The following INTS6 variants were observed in gnomAD, a reference collection of about 807,000 sequenced individuals.
The protein encoded by INTS6 is integrator complex subunit 6, also known as DEAD box protein.
A neutral mutation model predicts 104.9 loss-of-function variants in INTS6; 16 were observed. The observed-to-expected ratio is 0.15, with a 90% confidence interval of 0.10 to 0.23. The LOEUF is 0.23. Ranked by LOEUF, INTS6 falls within the 10% of genes least tolerant of loss-of-function variation. The pLI, the probability that INTS6 is intolerant of heterozygous loss-of-function variation, is 1.00. For synonymous variants in INTS6, 324 were observed against 358.7 expected (o/e 0.90, Z 1.09); for missense variants, 584 against 1,062.8 (o/e 0.55, Z 6.26).
Position 51,382,091 on chromosome 13 carries a change from T to C in INTS6, c.1213A>G (p.Thr405Ala). ...TCAAATGACTGTCTCCACTTCAATG[T>C]TGGTTTTGCTTTATGCACTTTAAAC... ...DLFKVHKAKP[T>A]LKWRQSFESY... Residue 405 changes from threonine (T) to alanine (A), a missense_variant, in exon 10 of 18, where the codon ACA (threonine) becomes GCA (alanine). Physicochemically the swap from Thr to Ala is moderately conservative, Grantham distance 58 (BLOSUM62 0). Around this residue, in one of 5 missense-constraint regions of INTS6, gnomAD observed 144 missense variants for 348.7 expected, o/e 0.41. Coordinates refer to ENST00000311234, the MANE Select transcript of INTS6 (RefSeq NM_012141.3). The C allele has an allele frequency of 1.2e-6, 2 of 1,611,756 alleles. No homozygotes were observed. Among genetic ancestry groups the C allele is most frequent in the East Asian group, 2.2e-5 (1 of 44,750 alleles).
intron 4 of INTS6, among the ~76,000 whole-genome samples, chr13:51,396,044 C>A (rs60448268): frequency 2.0e-5 from 3 of 152,048 alleles, no homozygotes; most frequent in South Asian, 2.1e-4. Flanking sequence ...GTGACCCACA[C>A]GCCTCGGCCT....
chr13:51,422,660 T>C (rs1956916612), intron 4 of INTS6, among the ~76,000 whole-genome samples: 1 of 152,128 alleles, frequency 6.6e-6, no homozygotes, highest in African/African-American at 2.4e-5. Context: ...GCTGGCACAG[T>C]AATCTTACTA....
chr13:51,424,036 C>A (rs1452784216), intron 4 of INTS6, among the ~76,000 whole-genome samples: 2 of 151,994 alleles, frequency 1.3e-5, no homozygotes, highest in Non-Finnish European at 2.9e-5. Flanking sequence ...TTTGATGCAG[C>A]CTGCAGCCAT....
At chr13:51,395,747 G>A (rs1180662228) in intron 4 of INTS6, among the ~76,000 whole-genome samples, 3 of 152,134 alleles carry the variant, frequency 2.0e-5, no homozygotes, top group Admixed American at 1.3e-4. Context: ...TAATTACTGG[G>A]TGCTGAATTG....
intron 3 of INTS6, among the ~76,000 whole-genome samples, chr13:51,431,281 C>G (rs1957085721): frequency 6.6e-6 from 1 of 152,160 alleles, no homozygotes; most frequent in Non-Finnish European, 1.5e-5. Flanking sequence ...GTATCAAATT[C>G]TCTGCCACTA....
chr13:51,448,808 G>A (rs1432692952), intron 3 of INTS6: 2 of 152,086 alleles, frequency 1.3e-5, no homozygotes, highest in East Asian at 3.8e-4. Flanking sequence ...TTACATACAA[G>A]TATTTAGTAC....
In INTS6 at chr13:51,452,105, G is replaced by C; in HGVS notation, c.112-50C>G. 6.4e-7 allele frequency: 1 copy of C among 1,553,808 alleles called. No individual in the cohort carries two copies. Among genetic ancestry groups the C allele is most frequent in the Non-Finnish European group, 8.8e-7 (1 of 1,132,896 alleles). On this transcript the variant is annotated intron_variant, in intron 1 of 17. Transcript: ENST00000311234. This position sits in a 1 kb window ranked among gnomAD's most constrained non-coding sequence, Gnocchi z 4.2. ...GCGGGCGACAGGGAAGCACAGAGGC[G>C]AGGTTACGAGGCGGAGAAGGGGCGC...
In INTS6 at chr13:51,374,699, T is replaced by G; in HGVS notation, c.1827A>C (p.Pro609=). The change falls in exon 14 of 18, where the codon CCA becomes CCC. Residue 609 remains proline (P), a synonymous_variant. Coordinates refer to ENST00000311234, the MANE Select transcript of INTS6 (RefSeq NM_012141.3). ...GGTTGCCAAATGTATGCAACCTTCG[T>G]GGCTGATCAGGATCAAGTTCTCTTA... ...SPLRELDPDQ[P]RRLHTFGNPF... 1 of 1,613,436 alleles carries G rather than the reference T, an allele frequency of 6.2e-7. No individual in the cohort carries two copies. The highest frequency in any genetic ancestry group is 8.5e-7 in the Non-Finnish European group (1 of 1,179,964).
In INTS6 at chr13:51,378,415, T is replaced by C; in HGVS notation, c.1426A>G (p.Lys476Glu). The C allele has an allele frequency of 3.7e-6, 6 of 1,613,356 alleles. No homozygotes were observed. The highest frequency in any genetic ancestry group is 5.1e-6 in the Non-Finnish European group (6 of 1,179,418). Residue 476 changes from lysine (K) to glutamate (E), a missense_variant, in exon 12 of 18, where the codon AAA (lysine) becomes GAA (glutamate). By Grantham distance (56) the Lys-to-Glu change is moderately conservative. Transcript: ENST00000311234. ...ATTCCAGTCTCCTGTACTACTTTTTTGCCTACAGATCCAATGACTCGATCA... is the reference window on the plus strand; with the variant it reads ...ATTCCAGTCTCCTGTACTACTTTTTCGCCTACAGATCCAATGACTCGATCA... ...ESDRVIGSVG[K>E]KVVQETGIKV...
the INTS6 span, chr13:51,340,951 A>C: frequency 1.1e-6 from 1 of 885,514 alleles, no homozygotes; most frequent in Non-Finnish European, 1.7e-6. Flanking sequence ...AGCTCAATGC[A>C]TCTCTCCCTC....
At chr13:51,372,847 T>C (rs1955837877) in intron 15 of INTS6, among the ~76,000 whole-genome samples, 1 of 152,244 alleles carries the variant, frequency 6.6e-6, no homozygotes, top group Admixed American at 6.5e-5. Flanking sequence ...AACTGATTCC[T>C]GTGCATGCAC....
chr13:51,348,125 C>A, the INTS6 span: 1 of 1,038,810 alleles, frequency 9.6e-7, no homozygotes, highest in Non-Finnish European at 1.4e-6. Flanking sequence ...GTTTCCAGTC[C>A]TCTGAGCCAG....
the INTS6 span, among the ~76,000 whole-genome samples, chr13:51,337,315 C>G: frequency 6.6e-6 from 1 of 152,112 alleles, no homozygotes; most frequent in African/African-American, 2.4e-5. Flanking sequence ...TTTGGTAGAC[C>G]TTTGGATTTG....
At chr13:51,391,736 T>C (rs1956248841) in intron 5 of INTS6, among the ~76,000 whole-genome samples, 1 of 152,152 alleles carries the variant, frequency 6.6e-6, no homozygotes, top group Non-Finnish European at 1.5e-5. Flanking sequence ...AGCATCTTTG[T>C]CAAATAGAGA....
chr13:51,348,674 G>A, the INTS6 span: 43 of 251,656 alleles, frequency 1.7e-4, no homozygotes, highest in African/African-American at 4.1e-3. Context: ...GCCTTCACTG[G>A]GCTGGAATGG....
In INTS6 at chr13:51,363,345, T is replaced by A. The variant is rs1955620490; in HGVS notation, c.*2407A>T. ...TAGTCCTTGTGACTTTACCTCTATC[T>A]GGGAGGCATTAGCCTACATCACACA... is the stretch of plus-strand genomic sequence containing the variant. On this transcript the variant is annotated 3_prime_UTR_variant, in exon 18 of 18. Transcript: ENST00000311234. 1 of 151,956 alleles carries A rather than the reference T, an allele frequency of 6.6e-6. No homozygotes were observed. Among genetic ancestry groups the A allele is most frequent in the African/African-American group, 2.4e-5 (1 of 41,410 alleles). 9.4% of individuals were successfully genotyped at this position (151,956 alleles called of 1,614,324 possible). A position where few individuals can be genotyped will look rare whatever the true frequency, so the allele number is the denominator to read the frequency against.
At chr13:51,368,747 T>G (rs1333949427) in intron 16 of INTS6, among the ~76,000 whole-genome samples, 192 bp downstream of exon 16, 1 of 152,166 alleles carries the variant, frequency 6.6e-6, no homozygotes, top group Admixed American at 6.5e-5. Flanking sequence ...CCTACCACCA[T>G]ACCTAGTACC....
In INTS6 at chr13:51,374,807, G is replaced by A. The variant is rs774383372; in HGVS notation, c.1730-11C>T. 1 of 1,608,388 alleles carries A rather than the reference G, an allele frequency of 6.2e-7. No homozygotes were observed. Among genetic ancestry groups the A allele is most frequent in the South Asian group, 1.1e-5 (1 of 89,834 alleles). ...CACTGTGCACTTGATCTTTCAAAAA[G>A]AATACAACAGCAAAAAAAGTTAACC... On this transcript the variant is annotated splice_polypyrimidine_tract_variant and intron_variant, in intron 13 of 17. Transcript: ENST00000311234.
intron 4 of INTS6, among the ~76,000 whole-genome samples, chr13:51,429,763 C>CAAAAAAAAAAAA: frequency 3.7e-5 from 1 of 27,086 alleles, no homozygotes; most frequent in Admixed American, 6.2e-4. Flanking sequence ...GACTCTGTCT[C>CAAAAAAAAAAAA]AAAAAAAAAA....
Sources: gnomAD v4.1 joint callset for allele counts (sites outside exome capture counted in the v4.1 genomes callset) on GRCh38, gnomAD v4.1.1 for gene constraint, gnomAD v4.1.1 regional missense constraint, Gnocchi (gnomAD v3.1) non-coding constraint, MANE v1.5 for transcripts, NCBI Gene and HGNC (gene_info 2026-07-23, HGNC 2026-07-21) for gene names.